CALN1: variants seen among roughly 807,000 people sequenced by gnomAD.
The protein encoded by CALN1 is calcium-binding protein 8.
In CALN1, 17 loss-of-function variants were observed where a neutral mutation model predicts 30.6. That is an observed-to-expected ratio of 0.56 (90% confidence interval 0.38 to 0.83). The LOEUF (loss-of-function observed/expected upper bound fraction) is 0.83. Ranked by LOEUF, CALN1 falls within the 40% of genes least tolerant of loss-of-function variation. The pLI is 0.00. For synonymous variants in CALN1, 156 were observed against 131.4 expected (o/e 1.19, Z -1.28); for missense variants, 291 against 354.9 (o/e 0.82, Z 1.45).
At chr7:72,273,948 G>C (rs990761023) in intron 3 of CALN1, among the ~76,000 whole-genome samples, 94 of 152,072 alleles carry the variant, frequency 6.2e-4, no homozygotes, top group African/African-American at 2.2e-3. Flanking sequence ...GCAAAAGAAA[G>C]TTACCATCAT....
At chr7:72,274,910 A>T (rs1455767263) in intron 3 of CALN1, among the ~76,000 whole-genome samples, 1 of 152,124 alleles carries the variant, frequency 6.6e-6, no homozygotes, top group Non-Finnish European at 1.5e-5. Flanking sequence ...GCTTTGTGTA[A>T]AGAGAAGAAA....
intron 2 of CALN1, among the ~76,000 whole-genome samples, chr7:72,344,613 T>C (rs912145446): frequency 3.4e-5 from 5 of 144,936 alleles, no homozygotes; most frequent in African/African-American, 1.2e-4. Flanking sequence ...TTATGTATTT[T>C]ATGTATATAT....
rs566761072 is a variant in CALN1, at chr7:72,193,917, C to A, written c.244+84769G>T. Reference sequence around the variant, plus strand: ...AAGTGAAAGCTAAGCTATGAGGATGCAAAGGCATAAGAATAATACAATAAA... The same window carrying A: ...AAGTGAAAGCTAAGCTATGAGGATGAAAAGGCATAAGAATAATACAATAAA... On this transcript the variant is annotated intron_variant, in intron 3 of 6. Coordinates refer to ENST00000395275, the MANE Select transcript of CALN1 (RefSeq NM_031468.4). 1.3e-4 allele frequency among the ~76,000 whole-genome samples: 20 copies of A among 150,732 alleles called. No homozygotes were observed. In the East Asian group the frequency reaches 3.8e-3, roughly 28 times the overall value.
intron 5 of CALN1, among the ~76,000 whole-genome samples, chr7:71,879,788 C>A (rs1462003031): frequency 6.6e-6 from 1 of 152,138 alleles, no homozygotes; most frequent in South Asian, 2.1e-4. Flanking sequence ...CTGATGCTTA[C>A]GTGCCTCACA....
At chr7:72,241,063 C>A (rs1381964280) in intron 3 of CALN1, among the ~76,000 whole-genome samples, 1 of 152,176 alleles carries the variant, frequency 6.6e-6, no homozygotes, top group African/African-American at 2.4e-5. Context: ...TATCTTTGAA[C>A]CATTTCAATT....
Position 71,785,100 on chromosome 7 carries a change from G to A in CALN1, c.*2675C>T. Reference sequence around the variant, plus strand: ...CACGCACTGTGTCCTTCAGTCCCTGGGTGCCACATGGGGGGTTACCACAGT... The same window carrying A: ...CACGCACTGTGTCCTTCAGTCCCTGAGTGCCACATGGGGGGTTACCACAGT... On this transcript the variant is annotated 3_prime_UTR_variant, in exon 7 of 7. Coordinates refer to ENST00000395275, the MANE Select transcript of CALN1 (RefSeq NM_031468.4). The A allele has an allele frequency of 2.6e-6, 1 of 384,036 alleles. No homozygotes were observed. Among genetic ancestry groups the A allele is most frequent in the Non-Finnish European group, 4.6e-6 (1 of 217,442 alleles). 23.8% of individuals were successfully genotyped at this position (384,036 alleles called of 1,614,324 possible).
chr7:72,386,005 A>T (rs1392208862), intron 2 of CALN1, among the ~76,000 whole-genome samples: 1 of 152,168 alleles, frequency 6.6e-6, no homozygotes, highest in Non-Finnish European at 1.5e-5. Flanking sequence ...TCATATATGT[A>T]AGTGAGAGAA....
At chr7:71,832,020 A>G (rs1789319372) in intron 5 of CALN1, among the ~76,000 whole-genome samples, 1 of 152,074 alleles carries the variant, frequency 6.6e-6, no homozygotes, top group Non-Finnish European at 1.5e-5. Context: ...TGCCAATTTC[A>G]TCTCTGTATT....
intron 2 of CALN1, among the ~76,000 whole-genome samples, chr7:72,388,188 A>C (rs150590593): frequency 6.6e-6 from 1 of 152,198 alleles, no homozygotes; most frequent in African/African-American, 2.4e-5. Context: ...TTTGATCAAT[A>C]CACAATCCAC....
At chr7:72,134,890 A>T (rs1809398400) in intron 3 of CALN1, among the ~76,000 whole-genome samples, 1 of 152,234 alleles carries the variant, frequency 6.6e-6, no homozygotes, top group South Asian at 2.1e-4. Flanking sequence ...AAGCCTTGCC[A>T]CTGTTTTATT....
chr7:72,312,871 G>A (rs948022785), intron 2 of CALN1, among the ~76,000 whole-genome samples: 10 of 150,954 alleles, frequency 6.6e-5, no homozygotes, highest in African/African-American at 2.4e-4. Flanking sequence ...GTCTCATTCT[G>A]TCGCCCAGAC....
At chr7:72,377,435 TCGTGTG>T (rs1804626250) in intron 2 of CALN1, among the ~76,000 whole-genome samples, 1 of 80,940 alleles carries the variant, frequency 1.2e-5, no homozygotes, top group Non-Finnish European at 2.7e-5. Flanking sequence ...GGCCACACTT[TCGTGTG>T]TGTGTGTGTG....
intron 2 of CALN1, among the ~76,000 whole-genome samples, chr7:72,380,357 T>G (rs530880318): frequency 6.6e-6 from 1 of 152,226 alleles, no homozygotes. Context: ...AGAGGTAGGC[T>G]GGGTGCAGTG....
At chr7:71,808,795 C>G (rs1049917807) in intron 6 of CALN1, among the ~76,000 whole-genome samples, 4 of 152,154 alleles carry the variant, frequency 2.6e-5, no homozygotes, top group Admixed American at 1.3e-4. Flanking sequence ...GCGCTTGAGC[C>G]CCATGTGCTT....
In CALN1 at chr7:72,052,813, TAAAG is replaced by T. The variant is rs563421225; in HGVS notation, c.389-29048_389-29045del. On this transcript the variant is annotated intron_variant, in intron 4 of 6. Coordinates refer to ENST00000395275, the MANE Select transcript of CALN1 (RefSeq NM_031468.4). ...GCACTTGGTTCCCACTGACTACAAC[TAAAG>T]AAAGAAGACTTAGGTAAGAACTTAG... Among the ~76,000 whole-genome samples the T allele has an allele frequency of 4.9e-3, 750 of 152,278 alleles. 9 individuals carry two copies. Among genetic ancestry groups the T allele is most frequent in the African/African-American group, 0.017 (720 of 41,570 alleles).
intron 3 of CALN1, among the ~76,000 whole-genome samples, chr7:72,196,501 C>G (rs1367455002): frequency 6.6e-6 from 1 of 152,072 alleles, no homozygotes; most frequent in Non-Finnish European, 1.5e-5. Flanking sequence ...TACAAAAAGT[C>G]ATGGAATTTC....
rs1800861433 is a variant in CALN1 at position 72,023,654 on chromosome 7, C to A, written c.501+3G>T. 2.5e-6 allele frequency: 4 copies of A among 1,609,424 alleles called. No individual in the cohort carries two copies. Among genetic ancestry groups the A allele is most frequent in the African/African-American group, 1.3e-5 (1 of 74,894 alleles). ...TAGTCTGAAAAAAAATATTCTTACTCACCTGCCAGAATATGCTGTCTATCG... is the reference window on the plus strand; with the variant it reads ...TAGTCTGAAAAAAAATATTCTTACTAACCTGCCAGAATATGCTGTCTATCG... On this transcript the variant is annotated splice_donor_region_variant and intron_variant, in intron 5 of 6. Transcript: ENST00000395275.
At chr7:72,082,704 T>C (rs964692884) in intron 4 of CALN1, among the ~76,000 whole-genome samples, 25 of 152,204 alleles carry the variant, frequency 1.6e-4, no homozygotes, top group Admixed American at 1.4e-3. Flanking sequence ...CTCGAAATCT[T>C]TGAAGTTGCT....
chr7:71,947,168 G>A (rs563587542), intron 5 of CALN1, among the ~76,000 whole-genome samples: 2 of 151,986 alleles, frequency 1.3e-5, no homozygotes, highest in East Asian at 1.9e-4. Flanking sequence ...CCACCACCAC[G>A]CCTGGCTAAT....
Sources: gnomAD v4.1 joint callset for allele counts (sites outside exome capture counted in the v4.1 genomes callset) on GRCh38, gnomAD v4.1.1 for gene constraint, MANE v1.5 for transcripts, NCBI Gene and HGNC (gene_info 2026-07-23, HGNC 2026-07-21) for gene names.